The following SAMD3 variants were observed in gnomAD, a reference collection of about 807,000 sequenced individuals.
SAMD3 encodes the protein sterile alpha motif domain containing 3.
In SAMD3, 63 loss-of-function variants were observed where a neutral mutation model predicts 58.5. The ratio of observed to expected loss-of-function variants is 1.08; its 90% CI spans 0.88 to 1.33. The LOEUF (loss-of-function observed/expected upper bound fraction) is 1.33, where lower values mean the gene tolerates loss of function less well. SAMD3 is among the 40% of genes most tolerant of loss of function. The probability of loss-of-function intolerance (pLI) is 0.00; values close to 1 mark genes in which losing one functional copy is unlikely to be tolerated. For synonymous variants in SAMD3, 220 were observed against 210.3 expected (o/e 1.05, Z -0.40); for missense variants, 604 against 608.4 (o/e 0.99, Z 0.08).
intron 11 of SAMD3, 57 bp downstream of exon 11, chr6:130,145,283 A>G: frequency 1.3e-6 from 1 of 787,098 alleles, no homozygotes; most frequent in Non-Finnish European, 1.9e-6. Context: ...TAAATAATAT[A>G]AATAATCGCA....
chr6:130,325,257 C>G (rs1401839115), intron 1 of SAMD3, among the ~76,000 whole-genome samples: 3 of 152,002 alleles, frequency 2.0e-5, no homozygotes, highest in Non-Finnish European at 4.4e-5. Flanking sequence ...GCCAAGAGTC[C>G]CTTGATATGG....
At chr6:130,283,142 T>TGAAA (rs2114953060) in intron 2 of SAMD3, among the ~76,000 whole-genome samples, 1 of 152,228 alleles carries the variant, frequency 6.6e-6, no homozygotes, top group Non-Finnish European at 1.5e-5. Flanking sequence ...TAGACTAAAC[T>TGAAA]GAAAGTAATA....
intron 2 of SAMD3, among the ~76,000 whole-genome samples, chr6:130,293,936 G>A (rs558635758): frequency 6.6e-6 from 1 of 152,234 alleles, no homozygotes; most frequent in South Asian, 2.1e-4. Flanking sequence ...TATGCACACA[G>A]CATCTTAGCA....
chr6:130,154,610 C>T (rs1789563960), intron 9 of SAMD3, among the ~76,000 whole-genome samples: 2 of 148,574 alleles, frequency 1.3e-5, no homozygotes, highest in Admixed American at 6.8e-5. Flanking sequence ...AGGAGATTCG[C>T]TTGAACCTGG....
Position 130,222,885 on chromosome 6 carries a change from T to G in SAMD3, c.-259A>C, listed in dbSNP as rs974114980. On this transcript the variant is annotated 5_prime_UTR_variant, in exon 1 of 12. Coordinates refer to ENST00000439090, the MANE Select transcript of SAMD3 (RefSeq NM_001017373.4). Reference sequence around the variant, plus strand: ...CTTGAAAAATCAAAAGTTCTGGTGATACTGGGTTCATATTTCTGAATGGCA... The same window carrying G: ...CTTGAAAAATCAAAAGTTCTGGTGAGACTGGGTTCATATTTCTGAATGGCA... 1 of 152,220 alleles carries G rather than the reference T, an allele frequency of 6.6e-6. No homozygotes were observed. The highest frequency in any genetic ancestry group is 1.5e-5 in the Non-Finnish European group (1 of 68,044). 9.4% of individuals were successfully genotyped at this position (152,220 alleles called of 1,614,324 possible). A position where few individuals can be genotyped will look rare whatever the true frequency, so the allele number is the denominator to read the frequency against.
At chr6:130,183,555 T>C (rs1267243834) in intron 7 of SAMD3, 2 of 379,842 alleles carry the variant, frequency 5.3e-6, no homozygotes, top group Non-Finnish European at 1.0e-5. Flanking sequence ...TTTCTATGTG[T>C]CACATCTCCT....
chr6:130,354,926 A>G (rs962327205), intron 1 of SAMD3, among the ~76,000 whole-genome samples: 7 of 151,136 alleles, frequency 4.6e-5, no homozygotes, highest in African/African-American at 7.3e-5. Flanking sequence ...GTGCTAAACT[A>G]AAAAAAAAGG....
At chr6:130,319,889 T>C (rs905855769) in intron 1 of SAMD3, among the ~76,000 whole-genome samples, 10 of 151,994 alleles carry the variant, frequency 6.6e-5, no homozygotes, top group African/African-American at 2.4e-4. Context: ...AGGGGAAAAT[T>C]AGAAATAATT....
chr6:130,164,561 G>A (rs533091193), intron 8 of SAMD3, among the ~76,000 whole-genome samples: 1 of 152,232 alleles, frequency 6.6e-6, no homozygotes, highest in South Asian at 2.1e-4. Flanking sequence ...TTGACAGTGT[G>A]TTCGGAGTCC....
At chr6:130,331,554 C>T (rs1469149655) in intron 1 of SAMD3, among the ~76,000 whole-genome samples, 1 of 152,036 alleles carries the variant, frequency 6.6e-6, no homozygotes, top group African/African-American at 2.4e-5. Flanking sequence ...AACCCCGTCT[C>T]TACTAAAAAA....
At chr6:130,184,824 CATAAAT>C (rs1562413362) in intron 5 of SAMD3, among the ~76,000 whole-genome samples, 1 of 152,184 alleles carries the variant, frequency 6.6e-6, no homozygotes, top group Non-Finnish European at 1.5e-5. Flanking sequence ...TCACACAACA[CATAAAT>C]ATGTATTCTT....
At chr6:130,280,808 A>C (rs1308283645) in intron 2 of SAMD3, among the ~76,000 whole-genome samples, 1 of 152,152 alleles carries the variant, frequency 6.6e-6, no homozygotes, top group Non-Finnish European at 1.5e-5. Flanking sequence ...GTAATCATCT[A>C]TATCACCATC....
chr6:130,151,518 C>T (rs966783526), intron 9 of SAMD3, among the ~76,000 whole-genome samples: 2 of 151,964 alleles, frequency 1.3e-5, no homozygotes, highest in Non-Finnish European at 2.9e-5. Flanking sequence ...CTCGGCTCAC[C>T]GCACCCTCCG....
chr6:130,357,283 C>T (rs1777861787), intron 1 of SAMD3, among the ~76,000 whole-genome samples: 1 of 151,952 alleles, frequency 6.6e-6, no homozygotes, highest in Non-Finnish European at 1.5e-5. Context: ...CACCACCACG[C>T]CAGGCTAATT....
intron 1 of SAMD3, among the ~76,000 whole-genome samples, chr6:130,355,657 G>A (rs966582535): frequency 1.3e-5 from 2 of 152,104 alleles, no homozygotes; most frequent in African/African-American, 4.8e-5. Flanking sequence ...AAACCCACCA[G>A]GCAATAAAAG....
chr6:130,279,687 G>A (rs12199001), intron 2 of SAMD3, among the ~76,000 whole-genome samples: 16,615 of 151,926 alleles, frequency 0.11, 1,079 homozygotes, highest in Admixed American at 0.15. Flanking sequence ...GTTTCATCAT[G>A]TTGGCCAGGC....
rs537233829 is a variant in SAMD3, at chr6:130,336,296, T to C, written c.-303-23203A>G. Among the ~76,000 whole-genome samples the C allele has an allele frequency of 1.8e-4, 27 of 152,138 alleles. 1 individual carries two copies. The South Asian group carries it at 5.4e-3, about 30-fold the overall frequency. On this transcript the variant is annotated intron_variant, in intron 1 of 13. Transcript: ENST00000368134. ...ATCCCTGCTTTACAGATAAGGAAAA[T>C]GAGGTTCACATTGCTAGGGTCACAC...
At chr6:130,151,049 C>G (rs944828978) in intron 9 of SAMD3, among the ~76,000 whole-genome samples, 23 of 152,068 alleles carry the variant, frequency 1.5e-4, no homozygotes, top group Non-Finnish European at 7.4e-5. Flanking sequence ...AGTCTCGGCT[C>G]TCAGCCAAGG....
chr6:130,314,103 G>A (rs1163517508), intron 1 of SAMD3, among the ~76,000 whole-genome samples: 1 of 152,208 alleles, frequency 6.6e-6, no homozygotes, highest in Non-Finnish European at 1.5e-5. Flanking sequence ...ACTAGGTTTG[G>A]ATGAGAGGGA....
Sources: gnomAD v4.1 joint callset for allele counts (sites outside exome capture counted in the v4.1 genomes callset) on GRCh38, gnomAD v4.1.1 for gene constraint, MANE v1.5 for transcripts, NCBI Gene and HGNC (gene_info 2026-07-23, HGNC 2026-07-21) for gene names.